ARHGEF9: variants seen among roughly 807,000 people sequenced by gnomAD.
ARHGEF9 encodes Cdc42 guanine nucleotide exchange factor 9.
ARHGEF9 carries 2 observed loss-of-function variants against 41.3 expected under a neutral mutation model. That is an observed-to-expected ratio of 0.05 (90% confidence interval 0.02 to 0.15). The LOEUF is 0.15. ARHGEF9 is among the 10% of genes least tolerant of loss of function. The probability of loss-of-function intolerance (pLI) is 1.00; values close to 1 mark genes in which losing one functional copy is unlikely to be tolerated. For synonymous variants in ARHGEF9, 160 were observed against 154.4 expected (o/e 1.04, Z -0.27); for missense variants, 225 against 424.7 (o/e 0.53, Z 4.13).
At chrX:63,766,793 G>T in intron 1 of ARHGEF9, 1 of 240,181 alleles carries the variant, frequency 4.2e-6, no homozygotes, top group Non-Finnish European at 7.6e-6. Flanking sequence ...CTGCATGTGC[G>T]TGCCTAACCT....
At chrX:63,736,851 C>T (rs1167743846) in intron 1 of ARHGEF9, 1 of 111,316 alleles carries the variant, frequency 9.0e-6, no homozygotes, top group Non-Finnish European at 1.9e-5. Context: ...AAAAACAAAA[C>T]AAGAAACACC....
rs782337525 is a variant in ARHGEF9 at position 63,649,030 on chromosome X, T to C, written c.1322-4982A>G. Among the ~76,000 whole-genome samples, 565 of 111,059 alleles carry C rather than the reference T, an allele frequency of 5.1e-3. 3 individuals are homozygous for C. The highest frequency in any genetic ancestry group is 0.017 in the African/African-American group (512 of 30,494). The stretch of plus-strand genomic sequence containing the variant: ...GACTTTAACACCCCACTGTCAACAT[T>C]AGACAGATCAACGAGACAAAAAGTT... On this transcript the variant is annotated intron_variant, in intron 8 of 9. Coordinates refer to ENST00000671741, the MANE Select transcript of ARHGEF9 (RefSeq NM_001353921.2).
At chrX:63,646,915 G>A (rs2048130450) in intron 8 of ARHGEF9, among the ~76,000 whole-genome samples, 1 of 111,204 alleles carries the variant, frequency 9.0e-6, no homozygotes, top group Non-Finnish European at 1.9e-5. Context: ...TTGAGCAGTG[G>A]TTTGTAGTTG....
At position 63,780,767 on chromosome X, in the gene ARHGEF9, T is replaced by G. The variant is rs577620849; in HGVS notation, c.30+4349A>C. Among the ~76,000 whole-genome samples the G allele has an allele frequency of 3.6e-5, 4 of 111,801 alleles. No homozygotes were observed. In the South Asian group the frequency reaches 1.5e-3, roughly 42 times the overall value. On this transcript the variant is annotated intron_variant, in intron 1 of 9. Coordinates refer to ENST00000671741, the MANE Select transcript of ARHGEF9 (RefSeq NM_001353921.2). ...CACTTTATTCTACATGGAAGTTGAC[T>G]CAGAGAGCTCCCAGTTGCATCGTTG...
chrX:63,676,056 T>C (rs2050244492), intron 5 of ARHGEF9, among the ~76,000 whole-genome samples: 2 of 111,768 alleles, frequency 1.8e-5, no homozygotes, highest in South Asian at 3.7e-4. Context: ...ACCCACAACA[T>C]TGAATAGTGG....
chrX:63,731,850 C>T (rs1455631769), intron 1 of ARHGEF9, among the ~76,000 whole-genome samples: 1 of 111,130 alleles, frequency 9.0e-6, no homozygotes, highest in African/African-American at 3.3e-5. Context: ...CGTGAGCCAC[C>T]GCACCCAGCC....
intron 1 of ARHGEF9, among the ~76,000 whole-genome samples, chrX:63,742,274 C>G (rs1315040875): frequency 1.8e-5 from 2 of 111,720 alleles, no homozygotes; most frequent in African/African-American, 3.3e-5. Context: ...CTCCTTAGAC[C>G]TCAGTTTCCC....
In ARHGEF9 at chrX:63,658,714, C is replaced by T. The variant is rs192410286; in HGVS notation, c.1078-2977G>A. The stretch of plus-strand genomic sequence containing the variant: ...TTAAAGGAAAAACATCTCACTACCT[C>T]CTTTAGCTCATTTAAACTTTCCAAA... On this transcript the variant is annotated intron_variant, in intron 7 of 9. Transcript: ENST00000671741. Among the ~76,000 whole-genome samples, 22 of 111,916 alleles carry T rather than the reference C, an allele frequency of 2.0e-4. No homozygotes were observed. The East Asian group carries it at 5.4e-3, about 27-fold the overall frequency.
At chrX:63,639,138 C>A (rs1556302642) in intron 9 of ARHGEF9, among the ~76,000 whole-genome samples, 1 of 111,873 alleles carries the variant, frequency 8.9e-6, no homozygotes, top group Non-Finnish European at 1.9e-5. Flanking sequence ...TACTCAGGGT[C>A]TGAAATTCCA....
At chrX:63,711,248 T>G (rs1377095862) in intron 2 of ARHGEF9, among the ~76,000 whole-genome samples, 1 of 111,873 alleles carries the variant, frequency 8.9e-6, no homozygotes, top group Non-Finnish European at 1.9e-5. Flanking sequence ...TTAATTCAGA[T>G]TCAACGCAAT....
intron 3 of ARHGEF9, among the ~76,000 whole-genome samples, chrX:63,705,330 G>A (rs782289532): frequency 9.5e-5 from 10 of 105,401 alleles, no homozygotes; most frequent in Non-Finnish European, 1.4e-4. Flanking sequence ...AGAGTTTTCC[G>A]AGTCAAGAAG....
intron 1 of ARHGEF9, among the ~76,000 whole-genome samples, chrX:63,735,615 T>C (rs1426319044): frequency 9.0e-6 from 1 of 111,621 alleles, no homozygotes; most frequent in Non-Finnish European, 1.9e-5. Context: ...TGGTTTACAG[T>C]GACAAGAACA....
chrX:63,779,032 T>C (rs782671583), intron 1 of ARHGEF9, among the ~76,000 whole-genome samples: 1 of 112,038 alleles, frequency 8.9e-6, no homozygotes, highest in African/African-American at 3.2e-5. Context: ...GATTTGCCAA[T>C]TGGTAATAGT....
chrX:63,646,710 C>T (rs1177622152), intron 8 of ARHGEF9, among the ~76,000 whole-genome samples: 9 of 111,761 alleles, frequency 8.1e-5, no homozygotes, highest in African/African-American at 2.6e-4. Flanking sequence ...CTTGGCAATG[C>T]GGGCTCTTTT....
At chrX:63,639,712 A>G (rs1203974707) in intron 9 of ARHGEF9, 4 of 112,520 alleles carry the variant, frequency 3.6e-5, no homozygotes, top group Admixed American at 9.5e-5. Context: ...GGAATCAACC[A>G]AAGTATCTGT....
chrX:63,741,791 T>C (rs1170018571), intron 1 of ARHGEF9, among the ~76,000 whole-genome samples: 1 of 112,660 alleles, frequency 8.9e-6, no homozygotes, highest in Non-Finnish European at 1.9e-5. Flanking sequence ...GCTGAGAATG[T>C]GCAAGTGTGA....
intron 4 of ARHGEF9, among the ~76,000 whole-genome samples, chrX:63,695,110 A>G (rs1556386253): frequency 9.0e-6 from 1 of 111,246 alleles, no homozygotes; most frequent in East Asian, 2.8e-4. Flanking sequence ...TCCCCAGGGG[A>G]CATTTGTCAA....
chrX:63,663,346 G>T (rs1250928719), intron 7 of ARHGEF9, among the ~76,000 whole-genome samples: 2 of 110,999 alleles, frequency 1.8e-5, no homozygotes, highest in African/African-American at 6.5e-5. Context: ...AAACTCTTTT[G>T]TCACCCCTGT....
At chrX:63,776,391 C>T (rs1468345576) in intron 1 of ARHGEF9, among the ~76,000 whole-genome samples, 1 of 112,025 alleles carries the variant, frequency 8.9e-6, no homozygotes, top group African/African-American at 3.2e-5. Context: ...ACACAATAAG[C>T]AAATGAGTGG....
Sources: gnomAD v4.1 joint callset for allele counts (sites outside exome capture counted in the v4.1 genomes callset) on GRCh38, gnomAD v4.1.1 for gene constraint, MANE v1.5 for transcripts, NCBI Gene and HGNC (gene_info 2026-07-23, HGNC 2026-07-21) for gene names.